GRM3: variants seen among roughly 807,000 people sequenced by gnomAD.
The protein encoded by GRM3 is glutamate metabotropic receptor 3, also known as metabotropic glutamate receptor 3.
In GRM3, 26 loss-of-function variants were observed where a neutral mutation model predicts 70.5. The ratio of observed to expected loss-of-function variants is 0.37; its 90% CI spans 0.27 to 0.51. The LOEUF is 0.51. Ranked by LOEUF, GRM3 falls within the 20% of genes least tolerant of loss-of-function variation. The pLI is 0.93. For missense variants in GRM3, 859 were observed against 1,123.8 expected (o/e 0.76, Z 3.37); for synonymous variants, 443 against 434.9 (o/e 1.02, Z -0.23).
At chr7:86,746,594 G>A (rs1584211098) in intron 1 of GRM3, among the ~76,000 whole-genome samples, 1 of 151,724 alleles carries the variant, frequency 6.6e-6, no homozygotes, top group Admixed American at 6.6e-5. Context: ...AGTCCACATA[G>A]CTCAGCAGAA....
chr7:86,737,246 G>A (rs1795884485), intron 1 of GRM3, among the ~76,000 whole-genome samples: 1 of 152,168 alleles, frequency 6.6e-6, no homozygotes, highest in Non-Finnish European at 1.5e-5. Context: ...CTTTCTAAGG[G>A]CCAAAACCCA....
chr7:86,849,284 G>C (rs1159301384), intron 4 of GRM3, among the ~76,000 whole-genome samples: 1 of 152,164 alleles, frequency 6.6e-6, no homozygotes, highest in Non-Finnish European at 1.5e-5. Context: ...TGACAAGAAA[G>C]GAGCCTGCAA....
At position 86,786,224 on chromosome 7, in the gene GRM3, G is replaced by C; in HGVS notation, c.469-37G>C. The C allele has an allele frequency of 6.4e-7, 1 of 1,571,792 alleles. No individual in the cohort carries two copies. Among genetic ancestry groups the C allele is most frequent in the Non-Finnish European group, 8.6e-7 (1 of 1,156,224 alleles). On this transcript the variant is annotated intron_variant, in intron 2 of 5. Coordinates refer to ENST00000361669, the MANE Select transcript of GRM3 (RefSeq NM_000840.3). This position sits in a 1 kb window ranked among gnomAD's most constrained non-coding sequence, Gnocchi z 6.0. ...TTTTCATGTCCAGTCATCTACCTCG[G>C]GGTTTCTAACAAAGGTCCTTCTTCT...
Position 86,765,041 on chromosome 7 carries a change from C to T in GRM3, c.-105C>T, listed in dbSNP as rs1796566556. 2.7e-6 allele frequency: 4 copies of T among 1,491,054 alleles called. No homozygotes were observed. In the South Asian group the frequency reaches 5.7e-5, roughly 21 times the overall value. The allele number at this position is 1,491,054 out of a possible 1,614,324, so 92.4% of individuals were successfully genotyped here. A position where few individuals can be genotyped will look rare whatever the true frequency, so the allele number is the denominator to read the frequency against. On this transcript the variant is annotated 5_prime_UTR_variant, in exon 2 of 6. Coordinates refer to ENST00000361669, the MANE Select transcript of GRM3 (RefSeq NM_000840.3). ...ACAGGCTCTGTTAGTCTGTTCCTCC[C>T]TTATTTGAAGGACAGGCCAAAGATC...
At chr7:86,701,050 C>T (rs1794936194) in intron 1 of GRM3, among the ~76,000 whole-genome samples, 1 of 151,844 alleles carries the variant, frequency 6.6e-6, no homozygotes, top group Non-Finnish European at 1.5e-5. Flanking sequence ...ACTGTTTAAA[C>T]CACAATTGCA....
At chr7:86,702,423 C>T (rs577728921) in intron 1 of GRM3, among the ~76,000 whole-genome samples, 1 of 152,118 alleles carries the variant, frequency 6.6e-6, no homozygotes, top group Non-Finnish European at 1.5e-5. Flanking sequence ...TAGATGCCCA[C>T]AACAACCAGC....
chr7:86,700,757 T>C (rs1405875), intron 1 of GRM3, among the ~76,000 whole-genome samples: 42,313 of 151,786 alleles, frequency 0.28, 7,794 homozygotes, highest in East Asian at 0.71. Flanking sequence ...AAATGCAATG[T>C]GAATGGGGTC....
chr7:86,685,526 G>A (rs950054881), intron 1 of GRM3, among the ~76,000 whole-genome samples: 1 of 152,156 alleles, frequency 6.6e-6, no homozygotes, highest in South Asian at 2.1e-4. Flanking sequence ...ACAGCATGAT[G>A]TCACCTTAGT....
Position 86,838,910 on chromosome 7 carries a change from T to TA in GRM3, c.1397dup (p.Tyr466Ter). ...FDTFGDGMGR[Y>*]NVFNFQNVGG... ...CACTTTTGGAGATGGAATGGGGCGA[T>TA]ACAACGTGTTCAATTTCCAAAATGT... The change falls in exon 4 of 6, where the codon TAC (tyrosine) becomes TAAC (stop). Residue 466 changes from tyrosine (Y) to a stop codon, truncating the protein, a stop_gained and frameshift_variant. Transcript: ENST00000361669. LOFTEE classifies it high-confidence loss of function. 1.2e-6 allele frequency: 2 copies of TA among 1,613,700 alleles called. No individual in the cohort carries two copies. Among genetic ancestry groups the TA allele is most frequent in the Non-Finnish European group, 1.7e-6 (2 of 1,179,688 alleles).
At chr7:86,841,102 A>G (rs75502916) in intron 4 of GRM3, among the ~76,000 whole-genome samples, 2 of 152,234 alleles carry the variant, frequency 1.3e-5, no homozygotes, top group East Asian at 3.8e-4. Flanking sequence ...CAATGTATAC[A>G]TGTTTAAAAC....
At chr7:86,767,514 C>CATACATAT (rs1796630290) in intron 2 of GRM3, among the ~76,000 whole-genome samples, 1 of 100,132 alleles carries the variant, frequency 1.0e-5, no homozygotes, top group Non-Finnish European at 2.2e-5. Context: ...GGTCATACTT[C>CATACATAT]ATATATATAT....
intron 1 of GRM3, among the ~76,000 whole-genome samples, chr7:86,722,475 C>T (rs1381292532): frequency 6.6e-6 from 1 of 151,818 alleles, no homozygotes; most frequent in Non-Finnish European, 1.5e-5. Context: ...AGCTGGAAAC[C>T]ATCATTCTCA....
At chr7:86,682,814 T>C (rs968641531) in intron 1 of GRM3, among the ~76,000 whole-genome samples, 5 of 152,164 alleles carry the variant, frequency 3.3e-5, no homozygotes, top group African/African-American at 4.8e-5. Flanking sequence ...AAGATTTCTT[T>C]TTTCAAAATA....
intron 1 of GRM3, among the ~76,000 whole-genome samples, chr7:86,744,724 A>G (rs1796064678): frequency 6.6e-6 from 1 of 152,116 alleles, no homozygotes; most frequent in South Asian, 2.1e-4. Context: ...AAGGAGCTGA[A>G]TATACAAAAA....
chr7:86,695,279 A>T (rs1183811746), intron 1 of GRM3, among the ~76,000 whole-genome samples: 3 of 152,228 alleles, frequency 2.0e-5, no homozygotes, highest in Non-Finnish European at 4.4e-5. Context: ...GGTGTTCATT[A>T]TGAAAAGAGT....
At chr7:86,827,458 C>G (rs1437322224) in intron 3 of GRM3, among the ~76,000 whole-genome samples, 1 of 151,532 alleles carries the variant, frequency 6.6e-6, no homozygotes, top group Non-Finnish European at 1.5e-5. Context: ...TAGATATTCA[C>G]AACACATATA....
At chr7:86,711,706 AT>A in intron 1 of GRM3, among the ~76,000 whole-genome samples, 1 of 152,218 alleles carries the variant, frequency 6.6e-6, no homozygotes, top group South Asian at 2.1e-4. Flanking sequence ...CACATAATTA[AT>A]TACACTGTCC....
At chr7:86,675,420 A>G (rs1794282084) in intron 1 of GRM3, among the ~76,000 whole-genome samples, 1 of 152,086 alleles carries the variant, frequency 6.6e-6, no homozygotes, top group Admixed American at 6.6e-5. Flanking sequence ...GACAGCCAGA[A>G]ATTAAAACAC....
rs1365053427 is a variant in GRM3, at chr7:86,864,429, G to C, written c.*74G>C. The C allele has an allele frequency of 9.8e-7, 1 of 1,023,856 alleles. No individual in the cohort carries two copies. The highest frequency in any genetic ancestry group is 1.3e-5 in the South Asian group (1 of 79,462). The allele number at this position is 1,023,856 out of a possible 1,614,324, so 63.4% of individuals were successfully genotyped here. A position where few individuals can be genotyped will look rare whatever the true frequency, so the allele number is the denominator to read the frequency against. The stretch of plus-strand genomic sequence containing the variant: ...TGCTCACGTGCAGCTCCAGAATATG[G>C]AAACAGAGCAAAAGAACAACCCTAG... On this transcript the variant is annotated 3_prime_UTR_variant, in exon 6 of 6. Transcript: ENST00000361669.
Sources: allele counts gnomAD v4.1 joint callset (sites outside exome capture counted in the v4.1 genomes callset), GRCh38; gene constraint gnomAD v4.1.1; non-coding constraint Gnocchi (gnomAD v3.1); transcripts MANE v1.5; gene names NCBI Gene and HGNC (gene_info 2026-07-23, HGNC 2026-07-21).